Variants in VPS13D observed in about 807,000 individuals in gnomAD.
The protein encoded by VPS13D is vacuolar protein sorting 13 homolog D.
In VPS13D, 187 loss-of-function variants were observed where a neutral mutation model predicts 461.9. The observed-to-expected ratio is 0.40, with a 90% CI of 0.36 to 0.46. The LOEUF (loss-of-function observed/expected upper bound fraction) is 0.46. VPS13D is among the 20% of genes least tolerant of loss of function. The pLI is 0.60. For synonymous variants in VPS13D, 1,951 were observed against 1,986.3 expected, an observed-to-expected ratio of 0.98 and a Z score of 0.47; for missense variants, 4,711 against 5,364.9, an observed-to-expected ratio of 0.88 and a Z score of 3.81.
chr1:12,295,451 G>T (rs557122626), intron 24 of VPS13D, among the ~76,000 whole-genome samples: 1 of 152,202 alleles, frequency 6.6e-6, no homozygotes, highest in East Asian at 1.9e-4. Context: ...GAAGCAACGA[G>T]TGCTGTCGGT....
At chr1:12,296,946 G>A (rs1296868105) in intron 24 of VPS13D, among the ~76,000 whole-genome samples, 5 of 152,126 alleles carry the variant, frequency 3.3e-5, no homozygotes, top group Admixed American at 2.6e-4. Flanking sequence ...CTCAAGTTTT[G>A]CTTTATCAAA....
intron 58 of VPS13D, 24 bp from the exon 59 acceptor site, chr1:12,385,236 T>C (rs1438237700): frequency 6.3e-7 from 1 of 1,583,688 alleles, no homozygotes; most frequent in South Asian, 1.1e-5. Context: ...AATCATCTTC[T>C]TGTGGTGTTT....
intron 65 of VPS13D, among the ~76,000 whole-genome samples, chr1:12,454,112 T>C (rs2100391413): frequency 6.6e-6 from 1 of 152,262 alleles, no homozygotes; most frequent in East Asian, 1.9e-4. Flanking sequence ...CCCCGAGCCA[T>C]TGTCATGAAT....
intron 64 of VPS13D, among the ~76,000 whole-genome samples, chr1:12,416,242 C>G (rs2100234867): frequency 6.6e-6 from 1 of 152,306 alleles, no homozygotes; most frequent in South Asian, 2.1e-4. Context: ...GCCCCCCACC[C>G]ACACCACAGC....
chr1:12,326,482 A>G (rs1287152998), intron 35 of VPS13D, among the ~76,000 whole-genome samples: 1 of 151,454 alleles, frequency 6.6e-6, no homozygotes, highest in African/African-American at 2.4e-5. Flanking sequence ...GGACTACAGG[A>G]TGCACCACCA....
chr1:12,358,613 T>G lies in VPS13D; in HGVS notation c.10141+12T>G. The G allele has an allele frequency of 6.2e-7, 1 of 1,613,470 alleles. No individual in the cohort carries two copies. On this transcript the variant is annotated intron_variant, in intron 50 of 69. Transcript: ENST00000620676. ...GATCTATAACATTGGTGGGTTACAT[T>G]TGGGGCAGCGGGACAATCAGAACCA...
In VPS13D at chr1:12,401,665, A is replaced by C. The variant is rs1273469180; in HGVS notation, c.11842A>C (p.Lys3948Gln). The C allele has an allele frequency of 6.2e-7, 1 of 1,613,666 alleles. No individual in the cohort carries two copies. Among genetic ancestry groups the C allele is most frequent in the South Asian group, 1.1e-5 (1 of 91,056 alleles). The change falls in exon 62 of 70, where the codon AAG becomes CAG. Residue 3948 changes from lysine to glutamine, a missense_variant. By Grantham distance (53) the Lys-to-Gln change is moderately conservative (BLOSUM62 1). Around this residue, in one of 3 missense-constraint regions of VPS13D, gnomAD observed 4,411 missense variants for 4,937.8 expected, o/e 0.89. Coordinates refer to ENST00000620676, the MANE Select transcript of VPS13D (RefSeq NM_015378.4). Reference sequence around the variant, plus strand: ...GCAAATTGAGGAGAAACTGCTCCTCAAGCTGCTAAGTTTCTTTGGCTACGA... The same window carrying C: ...GCAAATTGAGGAGAAACTGCTCCTCCAGCTGCTAAGTTTCTTTGGCTACGA... ...TVQIEEKLLL[K>Q]LLSFFGYDQA...
chr1:12,496,087 G>A (rs1645953551), intron 67 of VPS13D, among the ~76,000 whole-genome samples: 1 of 152,028 alleles, frequency 6.6e-6, no homozygotes, highest in South Asian at 2.1e-4. Flanking sequence ...AGACTGGCGG[G>A]GTATGTGAGT....
intron 10 of VPS13D, among the ~76,000 whole-genome samples, chr1:12,259,303 C>A (rs76086784): frequency 5.8e-4 from 88 of 151,616 alleles, no homozygotes; most frequent in African/African-American, 2.1e-3. Context: ...TTCACCACCC[C>A]CAGCCTACTC....
intron 63 of VPS13D, among the ~76,000 whole-genome samples, chr1:12,406,587 AC>A (rs1311358401): frequency 6.6e-6 from 1 of 152,224 alleles, no homozygotes; most frequent in African/African-American, 2.4e-5. Flanking sequence ...AAGCAGTTTC[AC>A]ATCTGCTATC....
At chr1:12,280,734 C>G (rs1000811976) in intron 20 of VPS13D, among the ~76,000 whole-genome samples, 18 of 152,246 alleles carry the variant, frequency 1.2e-4, no homozygotes, top group African/African-American at 4.1e-4. Context: ...AGTGATCCTC[C>G]TGCCTTGGCC....
At chr1:12,256,586 C>G in intron 8 of VPS13D, 83 bp downstream of exon 8, 3 of 1,485,378 alleles carry the variant, frequency 2.0e-6, no homozygotes, top group Non-Finnish European at 2.7e-6. Context: ...GTATCCTCAG[C>G]AGGAAAGAAA....
At chr1:12,291,193 C>G in intron 23 of VPS13D, 69 bp downstream of exon 23, 6 of 1,536,786 alleles carry the variant, frequency 3.9e-6, no homozygotes, top group Non-Finnish European at 5.3e-6. Flanking sequence ...TTCTTGTTGG[C>G]TAGACAATAA....
chr1:12,497,429 T>G (rs1645974771), intron 67 of VPS13D, 71 bp from the exon 68 acceptor site: 1 of 1,540,332 alleles, frequency 6.5e-7, no homozygotes, highest in African/African-American at 1.4e-5. Context: ...TGCTTTTGTC[T>G]TAGTGAGAAA....
At chr1:12,490,539 T>C (rs1376469628) in intron 67 of VPS13D, among the ~76,000 whole-genome samples, 2 of 152,340 alleles carry the variant, frequency 1.3e-5, no homozygotes, top group Non-Finnish European at 2.9e-5. Flanking sequence ...AGTAGATGCA[T>C]GTGGCCAAGA....
At chr1:12,377,216 C>T (rs142644533) in intron 55 of VPS13D, among the ~76,000 whole-genome samples, 5 of 151,768 alleles carry the variant, frequency 3.3e-5, no homozygotes, top group African/African-American at 7.3e-5. Flanking sequence ...TGCGCCACCA[C>T]GCCCAGCTAA....
chr1:12,261,701 T>C (rs527976010), intron 12 of VPS13D, among the ~76,000 whole-genome samples, 200 bp from the exon 13 acceptor site: 16 of 152,366 alleles, frequency 1.1e-4, no homozygotes, highest in Non-Finnish European at 1.6e-4. Flanking sequence ...GATAATAAGT[T>C]GATAAGATCC....
intron 6 of VPS13D, 74 bp downstream of exon 6, chr1:12,249,413 T>G: frequency 8.2e-7 from 1 of 1,222,490 alleles, no homozygotes; most frequent in Non-Finnish European, 1.2e-6. Flanking sequence ...CTTTTGCCAT[T>G]TTGTGTTATG....
In VPS13D at chr1:12,314,234, G is replaced by T. The variant is rs777415112; in HGVS notation, c.7055G>T (p.Ser2352Ile). 1 of 1,614,170 alleles carries T rather than the reference G, an allele frequency of 6.2e-7. No individual in the cohort carries two copies. The highest frequency in any genetic ancestry group is 8.5e-7 in the Non-Finnish European group (1 of 1,180,022). Residue 2352 changes from serine (S) to isoleucine (I), a missense_variant, in exon 30 of 70, where the codon AGC (serine) becomes ATC (isoleucine). Ser to Ile is a moderately radical substitution (Grantham distance 142). This residue lies in a region of VPS13D where 4,411 missense variants were observed against 4,937.8 expected (regional missense o/e 0.89). Transcript: ENST00000620676. ...FDTRYAGQKT[S>I]PGMTNVFSCI... ...ACCCGTTATGCTGGGCAGAAGACCA[G>T]CCCTGGCATGACGAATGTGTTCAGC...
Sources: allele counts gnomAD v4.1 joint callset (sites outside exome capture counted in the v4.1 genomes callset), GRCh38; gene constraint gnomAD v4.1.1; regional missense constraint gnomAD v4.1.1; transcripts MANE v1.5; gene names NCBI Gene and HGNC (gene_info 2026-07-23, HGNC 2026-07-21).